UBXN7: variants seen among roughly 807,000 people sequenced by gnomAD.
The protein encoded by UBXN7 is UBX domain-containing protein 7.
UBXN7 carries 9 observed loss-of-function variants against 58.0 expected under a neutral mutation model. The ratio of observed to expected loss-of-function variants is 0.16; its 90% CI spans 0.09 to 0.27. The LOEUF (loss-of-function observed/expected upper bound fraction) is 0.27, where lower values mean the gene tolerates loss of function less well. UBXN7 is among the 10% of genes least tolerant of loss of function. UBXN7 has a pLI of 1.00. For missense variants in UBXN7, 328 were observed against 599.6 expected (o/e 0.55, Z 4.73); for synonymous variants, 208 against 205.0 (o/e 1.01, Z -0.12).
intron 1 of UBXN7, among the ~76,000 whole-genome samples, chr3:196,420,803 C>T (rs919215232): frequency 6.6e-6 from 1 of 152,162 alleles, no homozygotes; most frequent in Non-Finnish European, 1.5e-5. Context: ...ATGCTGCTAT[C>T]TCCTAGTTTA....
intron 2 of UBXN7, among the ~76,000 whole-genome samples, chr3:196,403,432 G>C (rs1730054338): frequency 6.6e-6 from 1 of 152,148 alleles, no homozygotes; most frequent in African/African-American, 2.4e-5. Flanking sequence ...AAAGTGCTAG[G>C]ATTACAGGCA....
intron 1 of UBXN7, among the ~76,000 whole-genome samples, chr3:196,417,515 T>C (rs757957454): frequency 1.3e-5 from 2 of 151,916 alleles, no homozygotes; most frequent in Non-Finnish European, 2.9e-5. Context: ...TGTCATTCAC[T>C]AGTGTGACTC....
rs558103586 is a variant in UBXN7, at chr3:196,353,868, A to G, written c.*2817T>C. On this transcript the variant is annotated 3_prime_UTR_variant, in exon 11 of 11. Transcript: ENST00000296328. Reference sequence around the variant, plus strand: ...TATCTTTCTTGTTCTTTTCCTCCCTAGCTTTTTTTTTTTAAACACTCCTTT... The same window carrying G: ...TATCTTTCTTGTTCTTTTCCTCCCTGGCTTTTTTTTTTTAAACACTCCTTT... 1 of 147,020 alleles carries G rather than the reference A, an allele frequency of 6.8e-6. No individual in the cohort carries two copies. Among genetic ancestry groups the G allele is most frequent in the African/African-American group, 2.5e-5 (1 of 40,042 alleles). 9.1% of individuals were successfully genotyped at this position (147,020 alleles called of 1,614,324 possible).
chr3:196,401,295 A>ATATATATATATG (rs1729966724), intron 3 of UBXN7, among the ~76,000 whole-genome samples: 12 of 102,056 alleles, frequency 1.2e-4, no homozygotes, highest in African/African-American at 3.5e-4. Flanking sequence ...ATATATATAT[A>ATATATATATATG]TATACACACA....
At chr3:196,400,442 T>C (rs1729923744) in intron 3 of UBXN7, 1 of 154,288 alleles carries the variant, frequency 6.5e-6, no homozygotes, top group East Asian at 1.9e-4. Context: ...TGTACACCAA[T>C]TCAGAGATAA....
intron 8 of UBXN7, among the ~76,000 whole-genome samples, chr3:196,363,061 C>T (rs566335932): frequency 4.1e-4 from 63 of 151,916 alleles, no homozygotes; most frequent in African/African-American, 1.5e-3. Context: ...CCCGCCACCA[C>T]GCCCAGCTAA....
rs528038256 is a variant in UBXN7, at chr3:196,392,926, A to G, written c.355+628T>C. ...TTGAGTCAGTTTAGGTTCCCCATCA[A>G]TTCTCTCCAAAGTCACAAGACCTAT... On this transcript the variant is annotated intron_variant, in intron 4 of 10. Coordinates refer to ENST00000296328, the MANE Select transcript of UBXN7 (RefSeq NM_015562.2). Among the ~76,000 whole-genome samples, 3 of 152,324 alleles carry G rather than the reference A, an allele frequency of 2.0e-5. No individual in the cohort carries two copies. In the South Asian group the frequency reaches 6.2e-4, roughly 32 times the overall value.
chr3:196,407,449 T>C, intron 1 of UBXN7, 56 bp from the exon 2 acceptor site: 7 of 1,485,792 alleles, frequency 4.7e-6, no homozygotes, highest in Non-Finnish European at 6.3e-6. Context: ...AAAGACAGCC[T>C]CTTTCTTCAG....
At chr3:196,416,989 C>T (rs1440963860) in intron 1 of UBXN7, among the ~76,000 whole-genome samples, 1 of 152,150 alleles carries the variant, frequency 6.6e-6, no homozygotes, top group Non-Finnish European at 1.5e-5. Flanking sequence ...AGACACTGAA[C>T]ACCTGGAGCC....
chr3:196,431,092 T>A (rs1347057072), intron 1 of UBXN7, among the ~76,000 whole-genome samples: 1 of 152,172 alleles, frequency 6.6e-6, no homozygotes, highest in Non-Finnish European at 1.5e-5. Flanking sequence ...CGGTAACTAG[T>A]ATACAACCTG....
chr3:196,367,828 T>A (rs1050114716), intron 8 of UBXN7, among the ~76,000 whole-genome samples, 200 bp downstream of exon 8: 2 of 152,116 alleles, frequency 1.3e-5, no homozygotes, highest in African/African-American at 4.8e-5. Flanking sequence ...GGAGTATGAG[T>A]ATCATGATTT....
At chr3:196,401,873 T>C (rs552260609) in intron 3 of UBXN7, among the ~76,000 whole-genome samples, 59 of 71,126 alleles carry the variant, frequency 8.3e-4, no homozygotes, top group African/African-American at 2.2e-3. Context: ...AAACTACCTA[T>C]TGGGTACTAC....
chr3:196,415,399 G>C (rs1472438244), intron 1 of UBXN7, among the ~76,000 whole-genome samples: 5 of 149,584 alleles, frequency 3.3e-5, no homozygotes, highest in Non-Finnish European at 5.9e-5. Context: ...TGATCCGCCT[G>C]CCTCAGCCTC....
Position 196,362,642 on chromosome 3 carries a change from T to C in UBXN7, c.880A>G (p.Ile294Val). Residue 294 changes from isoleucine (I) to valine (V), a missense_variant, in exon 9 of 11, where the codon ATC becomes GTC. Around this residue, in one of 4 missense-constraint regions of UBXN7, gnomAD observed 126 missense variants for 302.6 expected, o/e 0.42. Transcript: ENST00000296328. ...ASEDSQLEAAIRASLQETHFD... is the reference protein window; with the variant it reads ...ASEDSQLEAAVRASLQETHFD... ...TGTGTTTCTTGTAAGGAGGCTCTGA[T>C]GGCAGCTTCTAGCTGGCTGTCTTCA... The C allele has an allele frequency of 6.2e-7, 1 of 1,612,988 alleles. No homozygotes were observed. Among genetic ancestry groups the C allele is most frequent in the Non-Finnish European group, 8.5e-7 (1 of 1,178,962 alleles).
intron 1 of UBXN7, among the ~76,000 whole-genome samples, chr3:196,409,386 A>T (rs1376249831): frequency 1.3e-5 from 2 of 152,124 alleles, no homozygotes; most frequent in African/African-American, 4.8e-5. Context: ...CAGTTTCTAT[A>T]GGTCACTGTT....
chr3:196,373,507 A>G (rs1056936454), intron 5 of UBXN7, among the ~76,000 whole-genome samples: 2 of 152,214 alleles, frequency 1.3e-5, no homozygotes, highest in Non-Finnish European at 2.9e-5. Context: ...AATTTATCCT[A>G]GAACAGTATT....
At position 196,432,403 on chromosome 3, in the gene UBXN7, ACCGCCG is replaced by A. The variant is rs549119450; in HGVS notation, c.-10_-5del. 1 of 1,586,376 alleles carries A rather than the reference ACCGCCG, an allele frequency of 6.3e-7. No homozygotes were observed. The highest frequency in any genetic ancestry group is 2.3e-5 in the East Asian group (1 of 44,220). Reference sequence around the variant, plus strand: ...CGGAGCCCCCGTGGGCAGCCATCTTACCGCCGCCGCCGCCGCCGAACAACAACACAG... The same window carrying A: ...CGGAGCCCCCGTGGGCAGCCATCTTACCGCCGCCGCCGAACAACAACACAG... On this transcript the variant is annotated 5_prime_UTR_variant, in exon 1 of 11. Coordinates refer to ENST00000296328, the MANE Select transcript of UBXN7 (RefSeq NM_015562.2).
chr3:196,428,864 T>C lies in UBXN7; in HGVS notation c.73+3463A>G, dbSNP rs1730930064. Among the ~76,000 whole-genome samples, 4 of 151,020 alleles carry C rather than the reference T, an allele frequency of 2.6e-5. No homozygotes were observed. The South Asian group carries it at 8.4e-4, about 32-fold the overall frequency. On this transcript the variant is annotated intron_variant, in intron 1 of 10. Coordinates refer to ENST00000296328, the MANE Select transcript of UBXN7 (RefSeq NM_015562.2). ...AGTTTTTATGATATTGTCTTTTTAA[T>C]AATCTTTTTTAATCAGCCATTACTG...
chr3:196,412,975 G>A (rs1473346173), intron 1 of UBXN7, among the ~76,000 whole-genome samples: 2 of 152,112 alleles, frequency 1.3e-5, no homozygotes, highest in Non-Finnish European at 2.9e-5. Flanking sequence ...AAAACAAAGA[G>A]TTATAGAGAG....
Sources: allele counts gnomAD v4.1 joint callset (sites outside exome capture counted in the v4.1 genomes callset), GRCh38; gene constraint gnomAD v4.1.1; regional missense constraint gnomAD v4.1.1; transcripts MANE v1.5; gene names NCBI Gene and HGNC (gene_info 2026-07-23, HGNC 2026-07-21).